Variants in TRAFD1 observed in about 807,000 individuals in gnomAD.
TRAFD1 encodes the protein TRAF-type zinc finger domain-containing protein 1.
TRAFD1 carries 38 observed loss-of-function variants against 65.3 expected under a neutral mutation model. The ratio of observed to expected loss-of-function variants is 0.58; its 90% confidence interval spans 0.45 to 0.76. The LOEUF (loss-of-function observed/expected upper bound fraction) is 0.76, where lower values mean the gene tolerates loss of function less well. Among genes scored for constraint, TRAFD1 ranks in the 30% least tolerant of loss-of-function variants. The pLI is 0.00. For missense variants in TRAFD1, 631 were observed against 712.6 expected (o/e 0.89, Z 1.30); for synonymous variants, 223 against 257.2 (o/e 0.87, Z 1.27).
At chr12:112,146,132 C>T (rs943174069) in intron 7 of TRAFD1, among the ~76,000 whole-genome samples, 2 of 142,986 alleles carry the variant, frequency 1.4e-5, no homozygotes, top group African/African-American at 5.3e-5. Flanking sequence ...AACTAACCTG[C>T]ACATTGTGCA....
chr12:112,152,671 A>G lies in TRAFD1; in HGVS notation c.1693-64A>G, dbSNP rs996601616. The G allele has an allele frequency of 6.2e-7, 1 of 1,611,900 alleles. No homozygotes were observed. On this transcript the variant is annotated intron_variant, in intron 11 of 11. Coordinates refer to ENST00000412615, the MANE Select transcript of TRAFD1 (RefSeq NM_006700.3). The surrounding 1 kb of genome is among the most constrained non-coding windows in gnomAD (Gnocchi z 5.0). Reference sequence around the variant, plus strand: ...GGAAGCGGGACATTTTCGGGGATCCAGGGGAGGAGTAATGCTTTTTCACTT... The same window carrying G: ...GGAAGCGGGACATTTTCGGGGATCCGGGGGAGGAGTAATGCTTTTTCACTT...
intron 2 of TRAFD1, among the ~76,000 whole-genome samples, chr12:112,131,842 C>A (rs2079567691): frequency 6.6e-6 from 1 of 152,152 alleles, no homozygotes; most frequent in Admixed American, 6.6e-5. Flanking sequence ...TTGCAAATAT[C>A]TTTTTTATTT....
intron 8 of TRAFD1, 106 bp downstream of exon 8, chr12:112,148,410 G>A (rs2030314990): frequency 3.1e-6 from 3 of 964,136 alleles, no homozygotes; most frequent in Admixed American, 2.3e-5. Context: ...ATCCTGACAA[G>A]GAATGCACAC....
At chr12:112,132,642 C>T (rs1019315514) in intron 2 of TRAFD1, among the ~76,000 whole-genome samples, 1 of 152,088 alleles carries the variant, frequency 6.6e-6, no homozygotes, top group Non-Finnish European at 1.5e-5. Flanking sequence ...TGAGAGCTGC[C>T]TTGGGGTCCC....
At chr12:112,141,916 C>G in intron 5 of TRAFD1, 173 bp from the exon 6 acceptor site, 1 of 648,798 alleles carries the variant, frequency 1.5e-6, no homozygotes, top group Non-Finnish European at 2.6e-6. Flanking sequence ...ACAGGGCAGA[C>G]TTTAATGTTC....
intron 8 of TRAFD1, among the ~76,000 whole-genome samples, chr12:112,149,081 G>A (rs544841772): frequency 6.6e-6 from 1 of 152,126 alleles, no homozygotes; most frequent in East Asian, 1.9e-4. Context: ...AGCTGGATGT[G>A]GTGGCGGGCA....
Position 112,134,772 on chromosome 12 carries a change from C to T in TRAFD1, c.82C>T (p.His28Tyr). The stretch of plus-strand genomic sequence containing the variant: ...AATTCCTGTGTTTAACTTTACCATC[C>T]ATGAGATCCACTGTCAAAGGAACAT... ...KEIPVFNFTI[H>Y]EIHCQRNIGM... Residue 28 changes from histidine (H) to tyrosine (Y), a missense_variant, in exon 3 of 12, where the codon CAT becomes TAT. Physicochemically the swap from His to Tyr is moderately conservative, Grantham distance 83 (BLOSUM62 2). Coordinates refer to ENST00000412615, the MANE Select transcript of TRAFD1 (RefSeq NM_006700.3). 6.2e-7 allele frequency: 1 copy of T among 1,613,164 alleles called. No homozygotes were observed. The highest frequency in any genetic ancestry group is 1.3e-5 in the African/African-American group (1 of 75,024).
Position 112,148,289 on chromosome 12 carries a change from G to T in TRAFD1, c.1143G>T (p.Val381=). Residue 381 remains valine (V), a synonymous_variant, in exon 8 of 12, where the codon GTG becomes GTT. Transcript: ENST00000412615. ...GTGGGGTACAGCTGGAAGAGGAGGT[G>T]CTGTTCCATCACCAGGTAAGGGTCC... ...EFCGVQLEEE[V]LFHHQDQCDQ... is the part of the protein sequence containing the mutation. 6.2e-7 allele frequency: 1 copy of T among 1,614,074 alleles called. No homozygotes were observed. Among genetic ancestry groups the T allele is most frequent in the Non-Finnish European group, 8.5e-7 (1 of 1,179,954 alleles).
intron 7 of TRAFD1, 35 bp downstream of exon 7, chr12:112,145,697 A>T: frequency 1.3e-6 from 2 of 1,598,162 alleles, no homozygotes; most frequent in Non-Finnish European, 1.7e-6. Context: ...TTTTAGTAGG[A>T]TTGTATGCAG....
At chr12:112,147,288 C>T (rs1484483935) in intron 7 of TRAFD1, among the ~76,000 whole-genome samples, 2 of 152,052 alleles carry the variant, frequency 1.3e-5, no homozygotes, top group Non-Finnish European at 2.9e-5. Context: ...TGAGCCTCCA[C>T]GTCTGGCCAG....
At position 112,135,060 on chromosome 12, in the gene TRAFD1, G is replaced by A; in HGVS notation, c.231G>A (p.Lys77=). 6.2e-7 allele frequency: 1 copy of A among 1,614,208 alleles called. No homozygotes were observed. Among genetic ancestry groups the A allele is most frequent in the Non-Finnish European group, 8.5e-7 (1 of 1,180,030 alleles). Residue 77 remains lysine (K), a synonymous_variant, in exon 4 of 12, where the codon AAG becomes AAA. Transcript: ENST00000412615. ...AGTTGGAGAAGAGGCTGTTAAAGAA[G>A]CATGAGGTTAGTCCATGGAGTGAGT... ...NKKLEKRLLK[K]HEETECPLRL...
rs1322830357 is a variant in TRAFD1, at chr12:112,136,335, G to A, written c.237+1269G>A. Among the ~76,000 whole-genome samples the A allele has an allele frequency of 3.3e-5, 5 of 150,428 alleles. No homozygotes were observed. In the South Asian group the frequency reaches 8.5e-4, roughly 25 times the overall value. On this transcript the variant is annotated intron_variant, in intron 4 of 11. Transcript: ENST00000412615. ...GTTCCCGTCTTGCAGGCTGGAGTGC[G>A]GTGGTGCAGTCTTGGCTCACTGTAA...
intron 6 of TRAFD1, among the ~76,000 whole-genome samples, chr12:112,142,671 C>A (rs888296162): frequency 1.3e-5 from 2 of 151,734 alleles, no homozygotes; most frequent in Non-Finnish European, 2.9e-5. Context: ...CTCTAAAGGA[C>A]ATTATTGTAC....
At position 112,145,677 on chromosome 12, in the gene TRAFD1, A is replaced by G; in HGVS notation, c.927+15A>G. ...TTGACCATCAGGTGTGTTATGAATTACTTGAGGACTTTTAGTAGGATTGTA... is the reference window on the plus strand; with the variant it reads ...TTGACCATCAGGTGTGTTATGAATTGCTTGAGGACTTTTAGTAGGATTGTA... On this transcript the variant is annotated intron_variant, in intron 7 of 11. Transcript: ENST00000412615. 1 of 1,613,024 alleles carries G rather than the reference A, an allele frequency of 6.2e-7. No individual in the cohort carries two copies. The highest frequency in any genetic ancestry group is 8.5e-7 in the Non-Finnish European group (1 of 1,179,126).
chr12:112,127,302 GCCC>G (rs1342400086), intron 1 of TRAFD1, among the ~76,000 whole-genome samples: 1 of 151,922 alleles, frequency 6.6e-6, no homozygotes, highest in Non-Finnish European at 1.5e-5. Flanking sequence ...CCTCTATTCC[GCCC>G]CCATTTATTT....
intron 6 of TRAFD1, among the ~76,000 whole-genome samples, chr12:112,144,288 G>A (rs577416172): frequency 7.5e-6 from 1 of 133,000 alleles, no homozygotes; most frequent in African/African-American, 2.8e-5. Context: ...TTTTTTTCTT[G>A]AGACAGAGTC....
Position 112,141,016 on chromosome 12 carries a change from G to A in TRAFD1, c.435G>A (p.Glu145=), listed in dbSNP as rs201656998. Residue 145 remains glutamate (E), a synonymous_variant, in exon 5 of 12, where the codon GAG becomes GAA. Transcript: ENST00000412615. ...CGREGEEKRN[E]VAIPPNAYDE... ...GAGAGGGGGAGGAAAAGAGAAATGA[G>A]GTTGCCATACCTCCTAATGCATATG... 3.7e-6 allele frequency: 6 copies of A among 1,614,074 alleles called. No homozygotes were observed. Among genetic ancestry groups the A allele is most frequent in the African/African-American group, 1.3e-5 (1 of 74,936 alleles).
intron 7 of TRAFD1, among the ~76,000 whole-genome samples, chr12:112,147,005 T>TTG (rs2030269196): frequency 7.2e-6 from 1 of 138,180 alleles, no homozygotes; most frequent in African/African-American, 2.7e-5. Flanking sequence ...TTTTTTTTTT[T>TTG]TTTTTTTTTT....
intron 2 of TRAFD1, among the ~76,000 whole-genome samples, chr12:112,132,693 C>T (rs1344620014): frequency 6.6e-6 from 1 of 152,178 alleles, no homozygotes; most frequent in Non-Finnish European, 1.5e-5. Context: ...TGAATTTGCA[C>T]TTCCTTGGTG....
Sources: gnomAD v4.1 joint callset for allele counts (sites outside exome capture counted in the v4.1 genomes callset) on GRCh38, gnomAD v4.1.1 for gene constraint, Gnocchi (gnomAD v3.1) non-coding constraint, MANE v1.5 for transcripts, NCBI Gene and HGNC (gene_info 2026-07-23, HGNC 2026-07-21) for gene names.